AOPEP: variants seen among roughly 807,000 people sequenced by gnomAD.
AOPEP encodes the protein aminopeptidase O.
In AOPEP, 77 loss-of-function variants were observed where a neutral mutation model predicts 98.1. The observed-to-expected ratio is 0.78, with a 90% CI of 0.65 to 0.95. The LOEUF is 0.95. Ranked by LOEUF, AOPEP falls within the 40% of genes least tolerant of loss-of-function variation. The pLI, the probability that AOPEP is intolerant of heterozygous loss-of-function variation, is 0.00. For synonymous variants in AOPEP, 346 were observed against 365.3 expected (o/e 0.95, Z 0.60); for missense variants, 1,024 against 1,024.7 (o/e 1.00, Z 0.01).
At chr9:95,115,442 T>C in the AOPEP span, among the ~76,000 whole-genome samples, 2 of 152,226 alleles carry the variant, frequency 1.3e-5, no homozygotes, top group African/African-American at 4.8e-5. Context: ...ATAGACTGCC[T>C]GACTGCTTTC....
At chr9:95,060,630 CATTTGGGTGTTGTTTCTCATCAACTGAAT>C in intron 13 of AOPEP, 35 bp from the exon 14 acceptor site, 1 of 1,061,072 alleles carries the variant, frequency 9.4e-7, no homozygotes, top group Non-Finnish European at 1.5e-6. Context: ...TCAGTCTGAA[CATTTGGGTGTTGTTTCTCATCAACTGAAT>C]GGCATTTTCA....
intron 5 of AOPEP, among the ~76,000 whole-genome samples, chr9:94,849,696 A>G (rs889652514): frequency 6.6e-6 from 1 of 151,886 alleles, no homozygotes; most frequent in Non-Finnish European, 1.5e-5. Context: ...TGCAACCTAG[A>G]TCCCTCTCAT....
chr9:94,999,509 A>T (rs1286758972), intron 11 of AOPEP, among the ~76,000 whole-genome samples: 1 of 152,158 alleles, frequency 6.6e-6, no homozygotes, highest in Non-Finnish European at 1.5e-5. Flanking sequence ...CCTCACAGAA[A>T]ATTACTATCT....
chr9:94,739,810 C>T (rs1221105371), intron 1 of AOPEP, among the ~76,000 whole-genome samples: 1 of 151,966 alleles, frequency 6.6e-6, no homozygotes, highest in Non-Finnish European at 1.5e-5. Flanking sequence ...GTTCTTCTAC[C>T]CACTGAAACC....
At chr9:95,017,874 C>A (rs2063138160) in intron 13 of AOPEP, among the ~76,000 whole-genome samples, 1 of 152,202 alleles carries the variant, frequency 6.6e-6, no homozygotes, top group Non-Finnish European at 1.5e-5. Context: ...CTAGAAATTT[C>A]ATGTAATTGA....
chr9:94,893,438 C>T (rs755986477), intron 5 of AOPEP, among the ~76,000 whole-genome samples: 4 of 152,084 alleles, frequency 2.6e-5, no homozygotes, highest in Non-Finnish European at 5.9e-5. Flanking sequence ...TGAGTCCAGA[C>T]TCGAGCCTGA....
At chr9:94,758,020 T>C (rs982751673) in intron 1 of AOPEP, among the ~76,000 whole-genome samples, 1 of 152,252 alleles carries the variant, frequency 6.6e-6, no homozygotes, top group Non-Finnish European at 1.5e-5. Flanking sequence ...AAATTCAAAC[T>C]GTTCTTTGCA....
intron 5 of AOPEP, among the ~76,000 whole-genome samples, chr9:94,811,405 G>A (rs531881367): frequency 3.3e-5 from 5 of 152,104 alleles, no homozygotes; most frequent in Non-Finnish European, 5.9e-5. Flanking sequence ...TGAGAGGGGC[G>A]CAGCTACAAA....
chr9:94,900,619 TAGA>T (rs1370280560), intron 5 of AOPEP, among the ~76,000 whole-genome samples: 2 of 152,192 alleles, frequency 1.3e-5, no homozygotes, highest in African/African-American at 4.8e-5. Flanking sequence ...CGTGCTCGAG[TAGA>T]AGATTTCATG....
chr9:94,980,777 G>C lies in AOPEP; in HGVS notation c.1977+1350G>C, dbSNP rs2060133642. Among the ~76,000 whole-genome samples the C allele has an allele frequency of 1.3e-5, 2 of 152,228 alleles. No individual in the cohort carries two copies. The highest frequency in any genetic ancestry group is 1.3e-4 in the Admixed American group (2 of 15,280). Reference sequence around the variant, plus strand: ...CTTTCACTCACGTGTGTGACAATGAGGGCCCGTGAGCTCTGAGACGGTGAC... The same window carrying C: ...CTTTCACTCACGTGTGTGACAATGACGGCCCGTGAGCTCTGAGACGGTGAC... On this transcript the variant is annotated intron_variant, in intron 11 of 16. Coordinates refer to ENST00000375315, the MANE Select transcript of AOPEP (RefSeq NM_001193329.3). This position sits in a 1 kb window ranked among gnomAD's most constrained non-coding sequence, Gnocchi z 4.3.
chr9:95,107,291 G>C, the AOPEP span: 2 of 1,610,764 alleles, frequency 1.2e-6, no homozygotes, highest in South Asian at 2.2e-5. Flanking sequence ...TATTTCACAG[G>C]GGAGAGGTTA....
At chr9:94,757,467 A>AT (rs1416098618) in intron 1 of AOPEP, among the ~76,000 whole-genome samples, 3 of 152,230 alleles carry the variant, frequency 2.0e-5, no homozygotes, top group Admixed American at 1.3e-4. Flanking sequence ...ATGGCTTTTC[A>AT]TAACAGTGGT....
At chr9:95,009,227 C>T (rs1011871861) in intron 13 of AOPEP, among the ~76,000 whole-genome samples, 1 of 151,174 alleles carries the variant, frequency 6.6e-6, no homozygotes, top group African/African-American at 2.4e-5. Flanking sequence ...TTTTTACCTT[C>T]GTTAGCTGAT....
At chr9:94,892,292 A>G (rs1307054979) in intron 5 of AOPEP, among the ~76,000 whole-genome samples, 1 of 152,118 alleles carries the variant, frequency 6.6e-6, no homozygotes, top group African/African-American at 2.4e-5. Flanking sequence ...TTATGATATG[A>G]ATTTAGATCT....
chr9:94,780,622 G>A (rs895728900), intron 3 of AOPEP, among the ~76,000 whole-genome samples: 1 of 152,190 alleles, frequency 6.6e-6, no homozygotes, highest in Non-Finnish European at 1.5e-5. Flanking sequence ...TTCTGAGGAT[G>A]GAATAATGTC....
At chr9:95,052,486 C>T (rs961556762) in intron 13 of AOPEP, among the ~76,000 whole-genome samples, 1 of 152,162 alleles carries the variant, frequency 6.6e-6, no homozygotes, top group Non-Finnish European at 1.5e-5. Flanking sequence ...AGAGGAAAAA[C>T]CATATTATCA....
At chr9:95,025,861 C>G (rs2133269231) in intron 13 of AOPEP, among the ~76,000 whole-genome samples, 1 of 152,282 alleles carries the variant, frequency 6.6e-6, no homozygotes, top group East Asian at 1.9e-4. Flanking sequence ...CATCACTGGA[C>G]TCTGCCAGTT....
chr9:94,919,457 T>C lies in AOPEP; in HGVS notation c.1365-4529T>C, dbSNP rs549578469. On this transcript the variant is annotated intron_variant, in intron 5 of 16. Transcript: ENST00000375315. ...TCAGGGCCAGAGGGAAGGAGGGTCC[T>C]GCCAGGCTGTCTGGGCCACCCCCCC... 3.7e-4 allele frequency among the ~76,000 whole-genome samples: 57 copies of C among 152,278 alleles called. 1 individual carries two copies. The South Asian group carries it at 0.012, about 32-fold the overall frequency.
At chr9:94,870,533 T>A (rs1273168714) in intron 5 of AOPEP, among the ~76,000 whole-genome samples, 1 of 152,094 alleles carries the variant, frequency 6.6e-6, no homozygotes, top group East Asian at 1.9e-4. Flanking sequence ...GGTCCCAGAT[T>A]TGGTGATGGG....
Sources: allele counts gnomAD v4.1 joint callset (sites outside exome capture counted in the v4.1 genomes callset), GRCh38; gene constraint gnomAD v4.1.1; non-coding constraint Gnocchi (gnomAD v3.1); transcripts MANE v1.5; gene names NCBI Gene and HGNC (gene_info 2026-07-23, HGNC 2026-07-21).